The following PPP2R5E variants were observed in gnomAD, a reference collection of about 807,000 sequenced individuals.
PPP2R5E encodes the protein protein phosphatase 2 regulatory subunit B'epsilon.
Under a neutral mutation model 65.3 loss-of-function variants are expected in PPP2R5E, and 4 were observed. The observed-to-expected ratio is 0.06, with a 90% CI of 0.03 to 0.14. PPP2R5E has a LOEUF of 0.14. Among genes scored for constraint, PPP2R5E ranks in the 10% least tolerant of loss-of-function variants. The pLI, the probability that PPP2R5E is intolerant of heterozygous loss-of-function variation, is 1.00. For missense variants in PPP2R5E, 274 were observed against 556.1 expected, an observed-to-expected ratio of 0.49 and a Z score of 5.10; for synonymous variants, 183 against 187.4, an observed-to-expected ratio of 0.98 and a Z score of 0.19.
At chr14:63,522,001 C>T (rs1265668736) in intron 2 of PPP2R5E, among the ~76,000 whole-genome samples, 1 of 141,652 alleles carries the variant, frequency 7.1e-6, no homozygotes, top group Non-Finnish European at 1.5e-5. Flanking sequence ...CGAGCCGAAG[C>T]TGGACTGTAC....
chr14:63,424,506 C>CT (rs1206879825), intron 3 of PPP2R5E, among the ~76,000 whole-genome samples: 1 of 152,144 alleles, frequency 6.6e-6, no homozygotes, highest in Non-Finnish European at 1.5e-5. Flanking sequence ...AATCCCAGCA[C>CT]TTTGAGAGGC....
chr14:63,498,225 T>C (rs1378001672), intron 2 of PPP2R5E, among the ~76,000 whole-genome samples: 2 of 152,202 alleles, frequency 1.3e-5, no homozygotes, highest in African/African-American at 4.8e-5. Context: ...AACAGTGTGG[T>C]TTTTATTCAG....
At chr14:63,444,422 C>T (rs531184146) in intron 3 of PPP2R5E, among the ~76,000 whole-genome samples, 77 of 152,300 alleles carry the variant, frequency 5.1e-4, no homozygotes, top group African/African-American at 1.8e-3. Context: ...TTACTGTTCA[C>T]GTGAGTATTC....
chr14:63,443,450 C>G (rs991690819), intron 3 of PPP2R5E, among the ~76,000 whole-genome samples: 47 of 152,148 alleles, frequency 3.1e-4, no homozygotes, highest in Non-Finnish European at 6.0e-4. Flanking sequence ...CAGGATTTTA[C>G]TCTAATGAAG....
rs80074297 is a variant in PPP2R5E at position 63,493,483 on chromosome 14, C to T, written c.158-39598G>A. On this transcript the variant is annotated intron_variant, in intron 2 of 13. Transcript: ENST00000337537. Reference sequence around the variant, plus strand: ...AGACATTGCCAAATTACCGCGCGCGCGTGTGTGTGTGCGTGTGTGTGGTGG... The same window carrying T: ...AGACATTGCCAAATTACCGCGCGCGTGTGTGTGTGTGCGTGTGTGTGGTGG... Among the ~76,000 whole-genome samples, 58 of 126,904 alleles carry T rather than the reference C, an allele frequency of 4.6e-4. 1 individual carries two copies. Among genetic ancestry groups the T allele is most frequent in the Admixed American group, 3.5e-3 (35 of 10,070 alleles). 83.3% of individuals were successfully genotyped at this position (126,904 alleles called of 152,430 possible). A position where few individuals can be genotyped will look rare whatever the true frequency, so the allele number is the denominator to read the frequency against.
At chr14:63,407,887 T>A (rs1164522416) in intron 5 of PPP2R5E, among the ~76,000 whole-genome samples, 2 of 152,228 alleles carry the variant, frequency 1.3e-5, no homozygotes, top group South Asian at 4.1e-4. Flanking sequence ...CCCAGTAAGA[T>A]GACACTCGTT....
intron 2 of PPP2R5E, among the ~76,000 whole-genome samples, chr14:63,465,450 C>CAAAAAAA (rs1171345415): frequency 3.4e-4 from 16 of 47,254 alleles, no homozygotes; most frequent in East Asian, 6.2e-4. Context: ...TCCACCTCTA[C>CAAAAAAA]AAAAAAAAAA....
intron 2 of PPP2R5E, among the ~76,000 whole-genome samples, chr14:63,511,971 C>G (rs1892471881): frequency 6.7e-6 from 1 of 150,068 alleles, no homozygotes; most frequent in Non-Finnish European, 1.5e-5. Flanking sequence ...CCCAGCTAGT[C>G]AGGAGGCTGA....
intron 1 of PPP2R5E, among the ~76,000 whole-genome samples, chr14:63,541,205 C>G (rs1362505448): frequency 6.6e-6 from 1 of 152,148 alleles, no homozygotes; most frequent in South Asian, 2.1e-4. Flanking sequence ...ACATAAAAGG[C>G]ATAATTAAAA....
At chr14:63,439,464 T>C (rs372503739) in intron 3 of PPP2R5E, among the ~76,000 whole-genome samples, 28 of 152,034 alleles carry the variant, frequency 1.8e-4, no homozygotes, top group Admixed American at 5.2e-4. Context: ...AACCTCCACC[T>C]CCCAGGTTCA....
At chr14:63,482,575 T>A (rs987639374) in intron 2 of PPP2R5E, among the ~76,000 whole-genome samples, 1 of 152,170 alleles carries the variant, frequency 6.6e-6, no homozygotes, top group African/African-American at 2.4e-5. Flanking sequence ...ATTTAGTTGT[T>A]GGGGTTTGGT....
At chr14:63,477,117 T>C (rs1890449194) in intron 2 of PPP2R5E, among the ~76,000 whole-genome samples, 1 of 152,140 alleles carries the variant, frequency 6.6e-6, no homozygotes, top group South Asian at 2.1e-4. Flanking sequence ...ATTACAGCCA[T>C]AGAGTATCAG....
intron 4 of PPP2R5E, among the ~76,000 whole-genome samples, chr14:63,419,962 T>C (rs1451687901): frequency 6.6e-6 from 1 of 152,250 alleles, no homozygotes; most frequent in African/African-American, 2.4e-5. Context: ...GAGTGGTTTT[T>C]TGTGGCAGAA....
chr14:63,389,822 T>C (rs1461059241), intron 10 of PPP2R5E, 91 bp from the exon 11 acceptor site: 1 of 1,345,780 alleles, frequency 7.4e-7, no homozygotes, highest in Non-Finnish European at 9.8e-7. Context: ...TGGATTATTT[T>C]AAGAAAAATT....
intron 2 of PPP2R5E, among the ~76,000 whole-genome samples, chr14:63,488,576 T>C (rs1188716905): frequency 6.6e-6 from 1 of 152,056 alleles, no homozygotes; most frequent in Non-Finnish European, 1.5e-5. Context: ...GGGCCAAGCA[T>C]TGTGGGTCAT....
At chr14:63,532,820 A>G (rs1281351731) in intron 2 of PPP2R5E, among the ~76,000 whole-genome samples, 1 of 152,172 alleles carries the variant, frequency 6.6e-6, no homozygotes, top group Non-Finnish European at 1.5e-5. Context: ...ACTAAAATAG[A>G]TGACATTATT....
At chr14:63,424,568 G>A (rs1259225994) in intron 3 of PPP2R5E, among the ~76,000 whole-genome samples, 1 of 152,034 alleles carries the variant, frequency 6.6e-6, no homozygotes, top group Non-Finnish European at 1.5e-5. Flanking sequence ...TGGCTAACAC[G>A]GTGAAACCCC....
intron 2 of PPP2R5E, among the ~76,000 whole-genome samples, chr14:63,476,385 C>T (rs1016406198): frequency 1.3e-5 from 2 of 152,060 alleles, no homozygotes; most frequent in African/African-American, 4.8e-5. Flanking sequence ...AATTGAAAAA[C>T]CCAAATTCAC....
At chr14:63,397,257 C>T (rs1885449206) in intron 5 of PPP2R5E, among the ~76,000 whole-genome samples, 1 of 152,130 alleles carries the variant, frequency 6.6e-6, no homozygotes, top group Non-Finnish European at 1.5e-5. Context: ...ATCCCAGCAC[C>T]TGGGGAGGCC....
Sources: allele counts gnomAD v4.1 joint callset (sites outside exome capture counted in the v4.1 genomes callset), GRCh38; gene constraint gnomAD v4.1.1; transcripts MANE v1.5; gene names NCBI Gene and HGNC (gene_info 2026-07-23, HGNC 2026-07-21).